The following STK32C variants were observed in gnomAD, a reference collection of about 807,000 sequenced individuals.
The protein encoded by STK32C is serine/threonine-protein kinase 32C.
Under a neutral mutation model 56.5 loss-of-function variants are expected in STK32C, and 31 were observed. The ratio of observed to expected loss-of-function variants is 0.55; its 90% CI spans 0.41 to 0.74. STK32C has a LOEUF of 0.74. Among genes scored for constraint, STK32C ranks in the 30% least tolerant of loss-of-function variants. The pLI, the probability that STK32C is intolerant of heterozygous loss-of-function variation, is 0.00. For missense variants in STK32C, 544 were observed against 676.9 expected (o/e 0.80, Z 2.18); for synonymous variants, 309 against 289.4 (o/e 1.07, Z -0.69).
At chr10:132,331,833 G>C, upstream of STK32C, 1 of 1,515,120 alleles carries the variant, frequency 6.6e-7, no homozygotes, top group Non-Finnish European at 8.9e-7. Context: ...CAAGGCCGCG[G>C]GCGCGGAAAA....
intron 1 of STK32C, among the ~76,000 whole-genome samples, chr10:132,280,169 C>A (rs2065125463): frequency 6.7e-6 from 1 of 148,528 alleles, no homozygotes; most frequent in South Asian, 2.1e-4. Flanking sequence ...CACGCCCCTG[C>A]ACTCCGTGAC....
exon 2 of STK32C, chr10:132,324,043 C>G (rs1311672201): frequency 6.7e-6 from 4 of 593,400 alleles, no homozygotes; most frequent in Non-Finnish European, 1.2e-5. Context: ...AATGGCCTAA[C>G]CACACCTTAA....
chr10:132,284,364 G>A (rs1276923716), intron 1 of STK32C, among the ~76,000 whole-genome samples: 2 of 16,556 alleles, frequency 1.2e-4, no homozygotes, highest in Non-Finnish European at 3.0e-4. Context: ...AGGTGAGGTT[G>A]GGGGGGGCAG....
At chr10:132,330,971 G>A (rs930798497) in intron 1 of STK32C, among the ~76,000 whole-genome samples, 2 of 151,270 alleles carry the variant, frequency 1.3e-5, no homozygotes, top group Admixed American at 6.6e-5. Flanking sequence ...GGGAGGCCGA[G>A]GGGGGCGGAT....
At chr10:132,210,927 G>T (rs952455658) in intron 10 of STK32C, among the ~76,000 whole-genome samples, 2 of 152,208 alleles carry the variant, frequency 1.3e-5, no homozygotes, top group Admixed American at 1.3e-4. Flanking sequence ...CCTCCTGGTG[G>T]TGTCACCCTG....
chr10:132,232,733 C>A (rs1346709498), intron 2 of STK32C, among the ~76,000 whole-genome samples: 1 of 151,226 alleles, frequency 6.6e-6, no homozygotes, highest in Non-Finnish European at 1.5e-5. Context: ...GAGGCCACAA[C>A]GCCACCCGGA....
chr10:132,213,412 C>G (rs768271631), intron 10 of STK32C, among the ~76,000 whole-genome samples: 3 of 152,228 alleles, frequency 2.0e-5, no homozygotes, highest in Admixed American at 6.5e-5. Flanking sequence ...GACGCAGACT[C>G]TCTCTGAGGA....
chr10:132,331,349 C>G, intron 1 of STK32C: 1 of 1,375,550 alleles, frequency 7.3e-7, no homozygotes, highest in Non-Finnish European at 9.8e-7. Flanking sequence ...CTCCAGGGTT[C>G]CACAGGACCA....
upstream of STK32C, chr10:132,331,873 GCAGGCGCAC>G: frequency 7.9e-7 from 1 of 1,257,982 alleles, no homozygotes; most frequent in Non-Finnish European, 1.1e-6. Context: ...GCGTGCGTGC[GCAGGCGCAC>G]CACCCCCTGC....
At position 132,224,432 on chromosome 10, in the gene STK32C, T is replaced by G; in HGVS notation, c.968A>C (p.Lys323Thr). The part of the protein sequence containing the change: ...VSVQYVPTWS[K>T]EMVALLRKLL... Reference sequence around the variant, plus strand: ...CTTCCGCAGCAAGGCCACCATCTCCTTGGACCACGTGGGGACATACTGGAC... The same window carrying G: ...CTTCCGCAGCAAGGCCACCATCTCCGTGGACCACGTGGGGACATACTGGAC... The change falls in exon 8 of 12, where the codon AAG (lysine) becomes ACG (threonine). Residue 323 changes from lysine (K) to threonine (T), a missense_variant. By Grantham distance (78) the Lys-to-Thr change is moderately conservative. Around this residue, in one of 3 missense-constraint regions of STK32C, gnomAD observed 277 missense variants for 309.3 expected, o/e 0.90. Transcript: ENST00000298630. 4.5e-6 allele frequency: 7 copies of G among 1,555,634 alleles called. No individual in the cohort carries two copies. Among genetic ancestry groups the G allele is most frequent in the Non-Finnish European group, 6.1e-6 (7 of 1,149,448 alleles).
At chr10:132,281,942 G>T (rs1013167489) in intron 1 of STK32C, among the ~76,000 whole-genome samples, 2 of 152,202 alleles carry the variant, frequency 1.3e-5, no homozygotes, top group Non-Finnish European at 2.9e-5. Flanking sequence ...CTGTTCACAG[G>T]GGCCACTCTC....
At chr10:132,332,064 C>T (rs1409885784), upstream of STK32C, 3 of 295,178 alleles carry the variant, frequency 1.0e-5, no homozygotes, top group African/African-American at 6.7e-5. Flanking sequence ...CCACAACACG[C>T]ACACCCCCGC....
intron 1 of STK32C, among the ~76,000 whole-genome samples, chr10:132,301,090 C>T (rs1396970833): frequency 1.3e-5 from 2 of 151,912 alleles, no homozygotes; most frequent in Non-Finnish European, 2.9e-5. Flanking sequence ...AAGGCCTGGT[C>T]GTCCACTAAC....
chr10:132,331,555 C>G lies in STK32C; in HGVS notation c.182G>C (p.Ser61Thr), dbSNP rs745865442. Residue 61 changes from serine (S) to threonine (T), a missense_variant, in exon 1 of 2, where the codon AGC becomes ACC. By Grantham distance (58) the Ser-to-Thr change is moderately conservative. Coordinates refer to the STK32C transcript ENST00000368619. ...TGAGGCAAGATTTGGGGACAAGCAGCTCCTGTGGGAAGTGGCTCCAGGAAG... is the reference window on the plus strand; with the variant it reads ...TGAGGCAAGATTTGGGGACAAGCAGGTCCTGTGGGAAGTGGCTCCAGGAAG... 3.1e-6 allele frequency: 5 copies of G among 1,612,828 alleles called. No homozygotes were observed. The African/African-American group carries it at 6.7e-5, about 22-fold the overall frequency.
intron 1 of STK32C, among the ~76,000 whole-genome samples, chr10:132,275,577 C>A (rs558563659): frequency 1.3e-5 from 2 of 152,224 alleles, no homozygotes; most frequent in Non-Finnish European, 2.9e-5. Context: ...ACTCCGCCGA[C>A]GTGTCACTGC....
chr10:132,212,579 A>G (rs2137578981), intron 10 of STK32C, among the ~76,000 whole-genome samples: 1 of 152,358 alleles, frequency 6.6e-6, no homozygotes, highest in African/African-American at 2.4e-5. Context: ...GTCAAGGTCC[A>G]AGACTTCCCT....
upstream of STK32C, chr10:132,331,884 A>G: frequency 5.9e-6 from 6 of 1,019,814 alleles, no homozygotes; most frequent in South Asian, 1.7e-5. Flanking sequence ...CAGGCGCACC[A>G]CCCCCTGCCA....
intron 10 of STK32C, among the ~76,000 whole-genome samples, chr10:132,215,544 G>A (rs1166156724): frequency 6.6e-6 from 1 of 152,060 alleles, no homozygotes; most frequent in East Asian, 1.9e-4. Flanking sequence ...CATGTAAGAT[G>A]TGACTTGCTC....
At chr10:132,308,101 T>C (rs1392719468), upstream of STK32C, 1 of 21,612 alleles carries the variant, frequency 4.6e-5, no homozygotes, top group Non-Finnish European at 8.0e-5. Context: ...TCGGGAAGGG[T>C]AGGGGCGGGG....
Sources: gnomAD v4.1 joint callset for allele counts (sites outside exome capture counted in the v4.1 genomes callset) on GRCh38, gnomAD v4.1.1 for gene constraint, gnomAD v4.1.1 regional missense constraint, MANE v1.5 for transcripts, NCBI Gene and HGNC (gene_info 2026-07-23, HGNC 2026-07-21) for gene names.